Variants in PDE11A observed in about 807,000 individuals in gnomAD.
The protein encoded by PDE11A is phosphodiesterase 11A.
PDE11A carries 100 observed loss-of-function variants against 100.5 expected under a neutral mutation model. That is an observed-to-expected ratio of 1.00 (90% confidence interval 0.85 to 1.18). The LOEUF is 1.18. PDE11A is among the 50% of genes most tolerant of loss of function. The pLI is 0.00. For synonymous variants in PDE11A, 381 were observed against 420.8 expected (o/e 0.91, Z 1.16); for missense variants, 1,141 against 1,152.6 (o/e 0.99, Z 0.15).
intron 6 of PDE11A, among the ~76,000 whole-genome samples, chr2:177,838,613 C>G: frequency 6.6e-6 from 1 of 152,142 alleles, no homozygotes; most frequent in Admixed American, 6.5e-5. Flanking sequence ...AGAGGCCTAG[C>G]TAAGTGTCCC....
intron 19 of PDE11A, among the ~76,000 whole-genome samples, chr2:177,646,333 A>G (rs538765962): frequency 1.3e-5 from 2 of 152,334 alleles, no homozygotes; most frequent in South Asian, 2.1e-4. Context: ...GCTGTGATAG[A>G]AAGTAAAGCA....
At chr2:178,055,878 T>C (rs1007789584) in intron 1 of PDE11A, among the ~76,000 whole-genome samples, 5 of 152,182 alleles carry the variant, frequency 3.3e-5, no homozygotes, top group African/African-American at 7.2e-5. Flanking sequence ...ATAAATGGGC[T>C]CTTTTTTCTA....
chr2:177,897,730 GA>G (rs2084632241), intron 4 of PDE11A, among the ~76,000 whole-genome samples: 1 of 152,158 alleles, frequency 6.6e-6, no homozygotes, highest in Non-Finnish European at 1.5e-5. Flanking sequence ...TAAAATGTGA[GA>G]CAGACACTTG....
chr2:177,960,436 G>T (rs2085617781), intron 2 of PDE11A, among the ~76,000 whole-genome samples: 1 of 151,784 alleles, frequency 6.6e-6, no homozygotes, highest in African/African-American at 2.4e-5. Flanking sequence ...AGTATTTTTT[G>T]AAATTGAATT....
intron 5 of PDE11A, among the ~76,000 whole-genome samples, chr2:177,855,922 A>G (rs983835905): frequency 4.0e-5 from 6 of 150,730 alleles, no homozygotes; most frequent in African/African-American, 1.5e-4. Context: ...ACACACACAC[A>G]CACACACACA....
intron 10 of PDE11A, among the ~76,000 whole-genome samples, chr2:177,728,382 C>CGG (rs56181443): frequency 8.7e-5 from 6 of 69,166 alleles, no homozygotes; most frequent in South Asian, 4.5e-4. Context: ...GGGTTGGGGG[C>CGG]GGGGGGAGGG....
At chr2:177,923,338 A>C (rs1427186010) in intron 2 of PDE11A, among the ~76,000 whole-genome samples, 1 of 149,200 alleles carries the variant, frequency 6.7e-6, no homozygotes. Flanking sequence ...TTTAGCCTGG[A>C]TGAAAGAGCG....
chr2:177,743,028 G>A (rs2081896772), intron 10 of PDE11A, among the ~76,000 whole-genome samples: 1 of 152,212 alleles, frequency 6.6e-6, no homozygotes, highest in African/African-American at 2.4e-5. Context: ...GAATTCGTGG[G>A]TAATGTGTTT....
chr2:178,009,201 A>T (rs17687170), intron 2 of PDE11A, among the ~76,000 whole-genome samples: 8,448 of 152,254 alleles, frequency 0.055, 295 homozygotes, highest in South Asian at 0.091. Context: ...AATACCTTCC[A>T]TCAATCACCC....
At chr2:177,719,297 C>T (rs761977490) in intron 12 of PDE11A, among the ~76,000 whole-genome samples, 3 of 152,096 alleles carry the variant, frequency 2.0e-5, no homozygotes, top group Non-Finnish European at 2.9e-5. Flanking sequence ...TAGCAGATGG[C>T]AAACTAAGAC....
intron 17 of PDE11A, among the ~76,000 whole-genome samples, chr2:177,674,162 A>G (rs2080730535): frequency 1.3e-5 from 2 of 152,190 alleles, no homozygotes; most frequent in African/African-American, 4.8e-5. Context: ...ATCTATACCT[A>G]GCTCTGCCAC....
intron 5 of PDE11A, among the ~76,000 whole-genome samples, chr2:177,841,518 G>C (rs2083490314): frequency 6.6e-6 from 1 of 152,156 alleles, no homozygotes; most frequent in South Asian, 2.1e-4. Context: ...CATCGTCTTT[G>C]TTATTATGCA....
chr2:177,695,112 T>TTG (rs1349749100), intron 15 of PDE11A, among the ~76,000 whole-genome samples: 7 of 150,504 alleles, frequency 4.7e-5, no homozygotes, highest in African/African-American at 1.7e-4. Flanking sequence ...TAAATGGGAG[T>TTG]TGTGTGTGGG....
chr2:177,775,070 C>G (rs927957898), intron 9 of PDE11A, among the ~76,000 whole-genome samples: 1 of 152,130 alleles, frequency 6.6e-6, no homozygotes, highest in Non-Finnish European at 1.5e-5. Flanking sequence ...GCCACGAGCA[C>G]AGAATGCAGG....
At chr2:178,058,609 A>G (rs1444598367) in intron 1 of PDE11A, among the ~76,000 whole-genome samples, 2 of 152,198 alleles carry the variant, frequency 1.3e-5, no homozygotes, top group East Asian at 3.8e-4. Context: ...GCAGCATGAG[A>G]ATAGACTAAT....
chr2:177,895,996 T>C (rs1370860147), intron 4 of PDE11A, among the ~76,000 whole-genome samples: 2 of 152,128 alleles, frequency 1.3e-5, no homozygotes, highest in Admixed American at 1.3e-4. Context: ...AAATATTTTA[T>C]GGAGTTTGGT....
intron 9 of PDE11A, among the ~76,000 whole-genome samples, chr2:177,769,589 G>T (rs2082283830): frequency 6.6e-6 from 1 of 152,024 alleles, no homozygotes; most frequent in Non-Finnish European, 1.5e-5. Flanking sequence ...GGGTAGTTAT[G>T]TCATCAAAAG....
intron 2 of PDE11A, among the ~76,000 whole-genome samples, chr2:177,953,875 G>A (rs186360593): frequency 3.5e-4 from 53 of 152,094 alleles, no homozygotes; most frequent in Admixed American, 8.5e-4. Context: ...AGGATAGTTC[G>A]CAAACTAAGG....
chr2:177,796,463 G>A (rs888164004), intron 9 of PDE11A, among the ~76,000 whole-genome samples: 3 of 152,130 alleles, frequency 2.0e-5, no homozygotes, highest in Non-Finnish European at 4.4e-5. Flanking sequence ...GGCTGTGTGT[G>A]GGGTTGACCA....
Sources: gnomAD v4.1 joint callset for allele counts (sites outside exome capture counted in the v4.1 genomes callset) on GRCh38, gnomAD v4.1.1 for gene constraint, MANE v1.5 for transcripts, NCBI Gene and HGNC (gene_info 2026-07-23, HGNC 2026-07-21) for gene names.